IL1RL1: variants seen among roughly 807,000 people sequenced by gnomAD.
IL1RL1 encodes the protein interleukin-1 receptor-like 1.
In IL1RL1, 32 loss-of-function variants were observed where a neutral mutation model predicts 50.9. The observed-to-expected ratio is 0.63, with a 90% confidence interval of 0.47 to 0.84. IL1RL1 has a LOEUF of 0.84. Ranked by LOEUF, IL1RL1 falls within the 40% of genes least tolerant of loss-of-function variation. The pLI is 0.00. For missense variants in IL1RL1, 773 were observed against 662.9 expected (o/e 1.17, Z -1.82); for synonymous variants, 275 against 236.0 (o/e 1.17, Z -1.51).
chr2:102,340,620 T>C, intron 4 of IL1RL1, 46 bp from the exon 5 acceptor site: 1 of 1,558,428 alleles, frequency 6.4e-7, no homozygotes, highest in Non-Finnish European at 8.7e-7. Context: ...GATAAATAAA[T>C]AAAAGTGAAG....
Position 102,340,201 on chromosome 2 carries a change from G to T in IL1RL1, c.376G>T (p.Glu126Ter). 1 of 1,605,730 alleles carries T rather than the reference G, an allele frequency of 6.2e-7. No individual in the cohort carries two copies. Among genetic ancestry groups the T allele is most frequent in the South Asian group, 1.1e-5 (1 of 89,362 alleles). ...GATGTATTCAACAGTATCTGGATCA[G>T]AAAAAAATTCCAAAATTTATTGTCC... is the stretch of plus-strand genomic sequence containing the variant. ...YLMYSTVSGS[E>*]KNSKIYCPTI... Residue 126 changes from glutamate (E) to a stop codon, truncating the protein, a stop_gained, in exon 4 of 11, where the codon GAA becomes TAA. Coordinates refer to ENST00000233954, the MANE Select transcript of IL1RL1 (RefSeq NM_016232.5). LOFTEE classifies it high-confidence loss of function.
At chr2:102,317,513 C>T (rs1676712639) in intron 1 of IL1RL1, among the ~76,000 whole-genome samples, 1 of 152,090 alleles carries the variant, frequency 6.6e-6, no homozygotes, top group Non-Finnish European at 1.5e-5. Context: ...CCTTATTAGA[C>T]TTTCTCCCAT....
intron 1 of IL1RL1, among the ~76,000 whole-genome samples, chr2:102,314,676 A>G (rs1192781168): frequency 6.6e-6 from 1 of 152,186 alleles, no homozygotes; most frequent in Non-Finnish European, 1.5e-5. Context: ...AGTGACAACT[A>G]TCTGGTCTGG....
chr2:102,321,395 G>C (rs1676834059), intron 1 of IL1RL1, among the ~76,000 whole-genome samples: 1 of 152,118 alleles, frequency 6.6e-6, no homozygotes, highest in Non-Finnish European at 1.5e-5. Flanking sequence ...AACCCTCACT[G>C]GTTGTCTGGG....
rs939652072 is a variant in IL1RL1 at position 102,342,971 on chromosome 2, T to G, written c.683-65T>G. ...GTTCAGTAAGGTTTTTTTTTTACAT[T>G]AAATGGGATAAAATGCCAGTCGCAG... On this transcript the variant is annotated intron_variant, in intron 6 of 10. Transcript: ENST00000233954. 7.9e-6 allele frequency: 12 copies of G among 1,521,638 alleles called. No homozygotes were observed. In the Middle Eastern group the frequency reaches 5.2e-4, roughly 66 times the overall value. 94.3% of individuals were successfully genotyped at this position (1,521,638 alleles called of 1,614,324 possible).
intron 1 of IL1RL1, among the ~76,000 whole-genome samples, chr2:102,322,985 T>G (rs934813270): frequency 9.2e-5 from 14 of 152,152 alleles, no homozygotes; most frequent in Admixed American, 3.3e-4. Flanking sequence ...GAACTCAGAG[T>G]TACATAACAT....
At chr2:102,324,577 G>A (rs11679893) in intron 1 of IL1RL1, among the ~76,000 whole-genome samples, 26,181 of 152,138 alleles carry the variant, frequency 0.17, 2,551 homozygotes, top group African/African-American at 0.25. Flanking sequence ...GGAAGTGCAA[G>A]GGGTCAGGGA....
intron 5 of IL1RL1, 30 bp from the exon 6 acceptor site, chr2:102,342,193 C>T (rs778222734): frequency 6.8e-7 from 1 of 1,476,688 alleles, no homozygotes. Flanking sequence ...CAATGCTCTC[C>T]TAATATTTAT....
chr2:102,317,700 A>G (rs1649034679), intron 1 of IL1RL1, among the ~76,000 whole-genome samples: 1 of 152,186 alleles, frequency 6.6e-6, no homozygotes, highest in African/African-American at 2.4e-5. Flanking sequence ...TTGGAGAGAA[A>G]GTTGATCCTC....
At chr2:102,327,207 A>G (rs564811206) in intron 1 of IL1RL1, among the ~76,000 whole-genome samples, 1 of 152,332 alleles carries the variant, frequency 6.6e-6, no homozygotes, top group Non-Finnish European at 1.5e-5. Flanking sequence ...AACTTACTCA[A>G]AACCGCTCAA....
intron 8 of IL1RL1, chr2:102,344,055 G>A (rs888181320): frequency 1.2e-4 from 38 of 319,542 alleles, no homozygotes; most frequent in Non-Finnish European, 1.6e-4. Flanking sequence ...AAGCATGGCG[G>A]CATCTGCTTC....
At chr2:102,321,112 G>T (rs1458601746) in intron 1 of IL1RL1, among the ~76,000 whole-genome samples, 1 of 152,190 alleles carries the variant, frequency 6.6e-6, no homozygotes, top group African/African-American at 2.4e-5. Context: ...CATGCTGCCT[G>T]CCCTTTCGAC....
At chr2:102,343,452 T>C (rs1222303665) in intron 8 of IL1RL1, 37 bp downstream of exon 8, 14 of 1,614,012 alleles carry the variant, frequency 8.7e-6, no homozygotes, top group Non-Finnish European at 1.2e-5. Context: ...CACCTGAACT[T>C]TCTCTAGCAA....
intron 1 of IL1RL1, 147 bp from the exon 2 acceptor site, chr2:102,337,969 A>G (rs1677389381): frequency 9.1e-6 from 2 of 219,614 alleles, no homozygotes; most frequent in South Asian, 1.7e-4. Context: ...AATAAGTGCA[A>G]TGCTTGCATA....
chr2:102,330,122 A>C (rs1396079344), intron 1 of IL1RL1, among the ~76,000 whole-genome samples: 1 of 152,212 alleles, frequency 6.6e-6, no homozygotes, highest in Non-Finnish European at 1.5e-5. Context: ...GGATTAAGAA[A>C]ATGTGGTACA....
At chr2:102,324,511 A>G (rs1170053303) in intron 1 of IL1RL1, among the ~76,000 whole-genome samples, 1 of 152,198 alleles carries the variant, frequency 6.6e-6, no homozygotes, top group South Asian at 2.1e-4. Flanking sequence ...GGTGCAGGAC[A>G]GTGGGTGCAG....
intron 1 of IL1RL1, among the ~76,000 whole-genome samples, chr2:102,326,372 CA>C: frequency 6.6e-6 from 1 of 152,080 alleles, no homozygotes; most frequent in Non-Finnish European, 1.5e-5. Flanking sequence ...TGGAAAGGAA[CA>C]ACCGGTACCA....
chr2:102,318,962 A>AC (rs1310229123), intron 1 of IL1RL1, among the ~76,000 whole-genome samples: 2 of 152,260 alleles, frequency 1.3e-5, no homozygotes, highest in Non-Finnish European at 2.9e-5. Flanking sequence ...TTCAAATTCC[A>AC]TAATATTATT....
chr2:102,319,127 CT>C (rs1676762782), intron 1 of IL1RL1, among the ~76,000 whole-genome samples: 2 of 152,060 alleles, frequency 1.3e-5, no homozygotes, highest in South Asian at 4.1e-4. Flanking sequence ...TTCAAAGGTC[CT>C]TTGGGAATAG....
Sources: gnomAD v4.1 joint callset for allele counts (sites outside exome capture counted in the v4.1 genomes callset) on GRCh38, gnomAD v4.1.1 for gene constraint, MANE v1.5 for transcripts, NCBI Gene and HGNC (gene_info 2026-07-23, HGNC 2026-07-21) for gene names.